TBC1D23: variants seen among roughly 807,000 people sequenced by gnomAD.
TBC1D23 encodes TBC1 domain family member 23.
A neutral mutation model predicts 91.4 loss-of-function variants in TBC1D23; 55 were observed. The ratio of observed to expected loss-of-function variants is 0.60; its 90% CI spans 0.48 to 0.75. TBC1D23 has a LOEUF of 0.75. Among genes scored for constraint, TBC1D23 ranks in the 30% least tolerant of loss-of-function variants. The probability of loss-of-function intolerance (pLI) is 0.00; values close to 1 mark genes in which losing one functional copy is unlikely to be tolerated. For missense variants in TBC1D23, 725 were observed against 836.1 expected (o/e 0.87, Z 1.64); for synonymous variants, 289 against 281.0 (o/e 1.03, Z -0.28).
intron 18 of TBC1D23, among the ~76,000 whole-genome samples, chr3:100,322,563 A>G (rs1705879212): frequency 6.6e-6 from 1 of 152,290 alleles, no homozygotes; most frequent in East Asian, 1.9e-4. Flanking sequence ...TAGTTGTCCA[A>G]TTAGTCTTCT....
rs1018276978 is a variant in TBC1D23, at chr3:100,283,709, C to T, written c.374C>T (p.Ser125Phe). The T allele has an allele frequency of 3.7e-6, 6 of 1,611,740 alleles. No homozygotes were observed. Among genetic ancestry groups the T allele is most frequent in the Non-Finnish European group, 4.2e-6 (5 of 1,177,886 alleles). ...TCACGTAACATTAAATATAGCACAT[C>T]CCTTAGCTGGATACATCTACTGAAA... ...CKSRNIKYST[S>F]LSWIHLLKPL... Residue 125 changes from serine (S) to phenylalanine (F), a missense_variant, in exon 4 of 19, where the codon TCC becomes TTC. Transcript: ENST00000394144.
chr3:100,318,983 A>T, intron 16 of TBC1D23, 86 bp from the exon 17 acceptor site: 1 of 844,756 alleles, frequency 1.2e-6, no homozygotes, highest in Non-Finnish European at 1.8e-6. Context: ...TCTTCAAAAT[A>T]CTACTGAAAT....
At chr3:100,279,312 C>A in intron 1 of TBC1D23, 1 of 180,812 alleles carries the variant, frequency 5.5e-6, no homozygotes, top group East Asian at 1.4e-4. Context: ...AATAGTGCCC[C>A]ACACATAGTT....
chr3:100,271,522 T>G (rs1486406382), intron 1 of TBC1D23, among the ~76,000 whole-genome samples: 1 of 152,088 alleles, frequency 6.6e-6, no homozygotes, highest in Non-Finnish European at 1.5e-5. Flanking sequence ...GTTACCAGTC[T>G]TAGGCTAGAG....
intron 4 of TBC1D23, among the ~76,000 whole-genome samples, chr3:100,285,814 T>C (rs1222927627): frequency 6.6e-6 from 1 of 152,236 alleles, no homozygotes; most frequent in Non-Finnish European, 1.5e-5. Context: ...CCCTAATGGC[T>C]AATGATGTTG....
Position 100,308,960 on chromosome 3 carries a change from CT to C in TBC1D23, c.1414-1441del, listed in dbSNP as rs371255142. On this transcript the variant is annotated intron_variant, in intron 13 of 18. Coordinates refer to ENST00000394144, the MANE Select transcript of TBC1D23 (RefSeq NM_001199198.3). The stretch of plus-strand genomic sequence containing the variant: ...ATACAGCCATGCATGGTGGCTCATG[CT>C]TGTAATCCCAGCATTATGGGAATCC... 6.3e-4 allele frequency among the ~76,000 whole-genome samples: 96 copies of C among 152,354 alleles called. 1 individual carries two copies. In the South Asian group the frequency reaches 0.019, roughly 31 times the overall value.
intron 2 of TBC1D23, 103 bp from the exon 3 acceptor site, chr3:100,281,639 C>G: frequency 2.9e-6 from 2 of 693,290 alleles, no homozygotes; most frequent in Non-Finnish European, 5.0e-6. Context: ...TAATTGTAAT[C>G]TTTGTTATTA....
chr3:100,306,760 G>C (rs1705524650), intron 13 of TBC1D23, among the ~76,000 whole-genome samples: 1 of 142,156 alleles, frequency 7.0e-6, no homozygotes, highest in Non-Finnish European at 1.5e-5. Context: ...GTTAAACTAG[G>C]TGGGAGCTCT....
Position 100,297,634 on chromosome 3 carries a change from C to A in TBC1D23, c.877-289C>A, listed in dbSNP as rs937703129. On this transcript the variant is annotated intron_variant, in intron 8 of 18. Coordinates refer to ENST00000394144, the MANE Select transcript of TBC1D23 (RefSeq NM_001199198.3). ...TTAAGATATGAAAAATTGTAAGTAA[C>A]CATTTTTAAAGTTCAATATTAACTA... is the stretch of plus-strand genomic sequence containing the variant. Among the ~76,000 whole-genome samples the A allele has an allele frequency of 7.3e-5, 11 of 151,252 alleles. No homozygotes were observed. In the East Asian group the frequency reaches 9.7e-4, roughly 13 times the overall value.
intron 13 of TBC1D23, among the ~76,000 whole-genome samples, chr3:100,308,063 A>AT (rs751795571): frequency 6.6e-6 from 1 of 152,254 alleles, no homozygotes; most frequent in Non-Finnish European, 1.5e-5. Context: ...TATTTTAGAA[A>AT]TTATCTTAAA....
At chr3:100,317,528 A>T (rs978221328) in intron 16 of TBC1D23, among the ~76,000 whole-genome samples, 1 of 152,176 alleles carries the variant, frequency 6.6e-6, no homozygotes, top group African/African-American at 2.4e-5. Flanking sequence ...AAGAATTTTA[A>T]ATTTTAAATC....
intron 5 of TBC1D23, among the ~76,000 whole-genome samples, chr3:100,291,927 G>A (rs866474471): frequency 1.7e-4 from 25 of 151,410 alleles, no homozygotes; most frequent in African/African-American, 4.9e-4. Flanking sequence ...CACCATGCCC[G>A]GCTAATTTTG....
Position 100,320,788 on chromosome 3 carries a change from T to TTAC in TBC1D23, c.1837_1839dup (p.Thr613dup). On this transcript the variant is annotated inframe_insertion, in exon 18 of 19. Coordinates refer to ENST00000394144, the MANE Select transcript of TBC1D23 (RefSeq NM_001199198.3). ...TTTTTTGTCTCAAGTCATCTGTTGG[T>TTAC]TACTGCAACACATATGTACTGTTTA... 1 of 1,489,438 alleles carries TTAC rather than the reference T, an allele frequency of 6.7e-7. No homozygotes were observed. The highest frequency in any genetic ancestry group is 1.5e-5 in the South Asian group (1 of 67,310). The allele number at this position is 1,489,438 out of a possible 1,614,324, so 92.3% of individuals were successfully genotyped here.
At chr3:100,273,367 G>C (rs1463096652) in intron 1 of TBC1D23, among the ~76,000 whole-genome samples, 1 of 152,174 alleles carries the variant, frequency 6.6e-6, no homozygotes, top group Admixed American at 6.5e-5. Context: ...TCTTAGTACA[G>C]AACAAAATGG....
At chr3:100,284,272 G>C (rs2067721496) in intron 4 of TBC1D23, among the ~76,000 whole-genome samples, 1 of 152,056 alleles carries the variant, frequency 6.6e-6, no homozygotes, top group African/African-American at 2.4e-5. Flanking sequence ...ATTTTACTAT[G>C]TATGTGTTTT....
chr3:100,279,708 A>G lies in TBC1D23; in HGVS notation c.113A>G (p.Asn38Ser), dbSNP rs1180443928. The stretch of plus-strand genomic sequence containing the variant: ...GGTTGTGATCTTGAAACGTTGAGAA[A>G]TATAATTCAAGGAAGACCGCTGCCT... ...AGGCDLETLR[N>S]IIQGRPLPAD... The change falls in exon 2 of 19, where the codon AAT becomes AGT. Residue 38 changes from asparagine to serine, a missense_variant. By Grantham distance (46) the Asn-to-Ser change is conservative. Transcript: ENST00000394144. The G allele has an allele frequency of 6.2e-7, 1 of 1,609,746 alleles. No individual in the cohort carries two copies. The highest frequency in any genetic ancestry group is 1.1e-5 in the South Asian group (1 of 90,468).
At chr3:100,274,413 A>G (rs1283551997) in intron 1 of TBC1D23, among the ~76,000 whole-genome samples, 1 of 152,152 alleles carries the variant, frequency 6.6e-6, no homozygotes, top group Non-Finnish European at 1.5e-5. Flanking sequence ...ATTTTTTTAA[A>G]TTGTGGTAAA....
intron 1 of TBC1D23, among the ~76,000 whole-genome samples, chr3:100,273,548 G>A (rs533471247): frequency 6.6e-6 from 1 of 152,224 alleles, no homozygotes; most frequent in African/African-American, 2.4e-5. Context: ...CCAAAAAAGA[G>A]CCCAAATAGC....
At chr3:100,272,674 A>G (rs1259190915) in intron 1 of TBC1D23, among the ~76,000 whole-genome samples, 1 of 152,166 alleles carries the variant, frequency 6.6e-6, no homozygotes, top group Non-Finnish European at 1.5e-5. Context: ...TTTATTGATC[A>G]TTTTTGGGTG....
Sources: gnomAD v4.1 joint callset for allele counts (sites outside exome capture counted in the v4.1 genomes callset) on GRCh38, gnomAD v4.1.1 for gene constraint, MANE v1.5 for transcripts, NCBI Gene and HGNC (gene_info 2026-07-23, HGNC 2026-07-21) for gene names.